The following PPP6R3 variants were observed in gnomAD, a reference collection of about 807,000 sequenced individuals.
PPP6R3 encodes the protein serine/threonine-protein phosphatase 6 regulatory subunit 3.
A neutral mutation model predicts 110.7 loss-of-function variants in PPP6R3; 38 were observed. The observed-to-expected ratio is 0.34, with a 90% confidence interval of 0.26 to 0.45. The LOEUF (loss-of-function observed/expected upper bound fraction) is 0.45. Ranked by LOEUF, PPP6R3 falls within the 20% of genes least tolerant of loss-of-function variation. The pLI is 1.00. For synonymous variants in PPP6R3, 369 were observed against 373.5 expected (o/e 0.99, Z 0.14); for missense variants, 870 against 1,062.4 (o/e 0.82, Z 2.52).
chr11:68,479,483 T>C (rs955435480), intron 1 of PPP6R3, among the ~76,000 whole-genome samples: 1 of 152,212 alleles, frequency 6.6e-6, no homozygotes, highest in Non-Finnish European at 1.5e-5. Context: ...CTTAAAAGGT[T>C]GTTTTGCCTA....
chr11:68,477,741 A>AAAAATATAT lies in PPP6R3; in HGVS notation c.-158+16915_-158+16916insAAATATATA. 5.1e-3 allele frequency among the ~76,000 whole-genome samples: 298 copies of AAAAATATAT among 57,884 alleles called. 3 individuals carry two copies. The highest frequency in any genetic ancestry group is 7.5e-3 in the Admixed American group (37 of 4,952). 38.0% of individuals were successfully genotyped at this position (57,884 alleles called of 152,430 possible). Reference sequence around the variant, plus strand: ...GACATTGTCTCTTAAAAAAAAAAAAAATATATATATATATATATATATATA... The same window carrying AAAAATATAT: ...GACATTGTCTCTTAAAAAAAAAAAAAAAAATATATATATATATATATATATATATATATA... On this transcript the variant is annotated intron_variant, in intron 1 of 23. Transcript: ENST00000393800.
At chr11:68,469,450 G>A (rs2098773347) in intron 1 of PPP6R3, among the ~76,000 whole-genome samples, 1 of 152,002 alleles carries the variant, frequency 6.6e-6, no homozygotes, top group African/African-American at 2.4e-5. Context: ...GCTCACTGCA[G>A]CCTTGACTGA....
intron 18 of PPP6R3, among the ~76,000 whole-genome samples, chr11:68,594,248 C>T (rs542224367): frequency 3.5e-4 from 52 of 148,306 alleles, no homozygotes; most frequent in African/African-American, 1.2e-3. Context: ...TATAGACCCC[C>T]GTCTCTTAAA....
rs1468107550 is a variant in PPP6R3, at chr11:68,573,153, T to TATATAA, written c.1344-955_1344-954insTATAAA. ...ATATATATATATATATATATATATA[T>TATATAA]AATTTTTTTTTTTTTGAGACGGAGT... On this transcript the variant is annotated intron_variant, in intron 12 of 23. Transcript: ENST00000393800. Among the ~76,000 whole-genome samples, 127 of 103,586 alleles carry TATATAA rather than the reference T, an allele frequency of 1.2e-3. 6 individuals are homozygous for TATATAA. The highest frequency in any genetic ancestry group is 4.5e-3 in the African/African-American group (117 of 26,096). The allele number at this position is 103,586 out of a possible 152,430, so 68.0% of individuals were successfully genotyped here. A position where few individuals can be genotyped will look rare whatever the true frequency, so the allele number is the denominator to read the frequency against.
At chr11:68,583,792 A>C (rs75460571) in intron 15 of PPP6R3, among the ~76,000 whole-genome samples, 1 of 152,224 alleles carries the variant, frequency 6.6e-6, no homozygotes, top group African/African-American at 2.4e-5. Flanking sequence ...TTTGCAGGCT[A>C]TCAGCTTTTC....
chr11:68,545,814 T>C (rs1015955061), intron 4 of PPP6R3, among the ~76,000 whole-genome samples: 4 of 152,240 alleles, frequency 2.6e-5, no homozygotes, highest in Middle Eastern at 3.2e-3. Context: ...AAGGATCTGC[T>C]TATCTGGAGA....
chr11:68,485,846 C>T (rs1051340893), intron 1 of PPP6R3, among the ~76,000 whole-genome samples: 4 of 152,022 alleles, frequency 2.6e-5, no homozygotes, highest in Admixed American at 6.6e-5. Context: ...AGGTGTGTGC[C>T]ATCATGCCCG....
At chr11:68,554,315 C>A in intron 7 of PPP6R3, 58 bp downstream of exon 7, 1 of 1,323,298 alleles carries the variant, frequency 7.6e-7, no homozygotes, top group Non-Finnish European at 1.1e-6. Flanking sequence ...CCATGTGTTA[C>A]CATTGTGAGT....
chr11:68,609,654 C>G, intron 22 of PPP6R3: 1 of 1,555,722 alleles, frequency 6.4e-7, no homozygotes, highest in Non-Finnish European at 8.7e-7. Flanking sequence ...TGGGACCGTT[C>G]TTTATCAGAC....
At chr11:68,579,853 C>G (rs2099546375) in intron 14 of PPP6R3, among the ~76,000 whole-genome samples, 2 of 152,198 alleles carry the variant, frequency 1.3e-5, no homozygotes, top group African/African-American at 4.8e-5. Context: ...GGTGTGTAGC[C>G]TAGGAGCAAT....
intron 2 of PPP6R3, among the ~76,000 whole-genome samples, chr11:68,523,731 T>C (rs979478526): frequency 6.8e-5 from 9 of 133,138 alleles, no homozygotes; most frequent in Admixed American, 3.9e-4. Context: ...CTTTTTTTTT[T>C]CTCTTGGCCA....
chr11:68,545,864 T>C (rs1231481791), intron 4 of PPP6R3, among the ~76,000 whole-genome samples: 7 of 152,378 alleles, frequency 4.6e-5, no homozygotes, highest in South Asian at 2.1e-4. Context: ...AGGGAACAAC[T>C]AGAGCCTCAG....
intron 1 of PPP6R3, among the ~76,000 whole-genome samples, chr11:68,493,861 G>A (rs1466066794): frequency 1.3e-5 from 2 of 151,440 alleles, no homozygotes. Flanking sequence ...TCAGCACTTT[G>A]GGAGGCTGAG....
At chr11:68,581,435 C>T (rs2099554195) in intron 14 of PPP6R3, among the ~76,000 whole-genome samples, 1 of 152,264 alleles carries the variant, frequency 6.6e-6, no homozygotes, top group Admixed American at 6.5e-5. Context: ...GACAGCAAGA[C>T]TTGGCTAAGA....
chr11:68,510,756 T>G (rs1459944724), intron 1 of PPP6R3, among the ~76,000 whole-genome samples: 1 of 152,226 alleles, frequency 6.6e-6, no homozygotes, highest in Non-Finnish European at 1.5e-5. Context: ...TTTTTTTCCC[T>G]TTCCTGGAGA....
At chr11:68,493,263 T>C (rs1189657119) in intron 1 of PPP6R3, among the ~76,000 whole-genome samples, 1 of 152,196 alleles carries the variant, frequency 6.6e-6, no homozygotes, top group East Asian at 1.9e-4. Flanking sequence ...AACAGTTATT[T>C]TAAGGATTAA....
chr11:68,613,754 TA>T lies in PPP6R3; in HGVS notation c.*640del, dbSNP rs1555214296. 1 of 507,774 alleles carries T rather than the reference TA, an allele frequency of 2.0e-6. No homozygotes were observed. The highest frequency in any genetic ancestry group is 6.8e-5 in the African/African-American group (1 of 14,670). The allele number at this position is 507,774 out of a possible 1,614,324, so 31.5% of individuals were successfully genotyped here. ...TGTAAGTCTATTGGTAGAGATTAAG[TA>T]AAGTATTTATTGCTACATCATAGTT... On this transcript the variant is annotated 3_prime_UTR_variant, in exon 24 of 24. Transcript: ENST00000393800.
intron 18 of PPP6R3, among the ~76,000 whole-genome samples, chr11:68,594,555 C>G (rs144989411): frequency 9.8e-4 from 149 of 152,220 alleles, no homozygotes; most frequent in African/African-American, 3.5e-3. Flanking sequence ...ATGTCCAAGA[C>G]CTGTATGCTG....
intron 8 of PPP6R3, 133 bp downstream of exon 8, chr11:68,558,812 A>G (rs2099408682): frequency 3.1e-6 from 2 of 652,398 alleles, no homozygotes; most frequent in Non-Finnish European, 5.2e-6. Context: ...TGCTATATAA[A>G]CCATAGCCTA....
Sources: allele counts gnomAD v4.1 joint callset (sites outside exome capture counted in the v4.1 genomes callset), GRCh38; gene constraint gnomAD v4.1.1; transcripts MANE v1.5; gene names NCBI Gene and HGNC (gene_info 2026-07-23, HGNC 2026-07-21).